The following ENO1 variants were observed in gnomAD, a reference collection of about 807,000 sequenced individuals.
ENO1 encodes the protein alpha-enolase.
Under a neutral mutation model 46.3 loss-of-function variants are expected in ENO1, and 33 were observed. The observed-to-expected ratio is 0.71, with a 90% confidence interval of 0.54 to 0.95. The LOEUF (loss-of-function observed/expected upper bound fraction) is 0.95, where lower values mean the gene tolerates loss of function less well. Ranked by LOEUF, ENO1 falls within the 40% of genes least tolerant of loss-of-function variation. The probability of loss-of-function intolerance (pLI) is 0.00; values close to 1 mark genes in which losing one functional copy is unlikely to be tolerated. For synonymous variants in ENO1, 220 were observed against 216.0 expected (o/e 1.02, Z -0.16); for missense variants, 488 against 553.3 (o/e 0.88, Z 1.18).
At chr1:8,867,005 G>T in intron 6 of ENO1, 112 bp downstream of exon 6, 1 of 1,479,972 alleles carries the variant, frequency 6.8e-7, no homozygotes, top group Non-Finnish European at 9.1e-7. Context: ...GGGCAGAGCT[G>T]TGCTGGGAGA....
At chr1:8,868,181 T>C in intron 4 of ENO1, 124 bp from the exon 5 acceptor site, 1 of 779,504 alleles carries the variant, frequency 1.3e-6, no homozygotes, top group Non-Finnish European at 2.1e-6. Flanking sequence ...ATGTTTGTTT[T>C]ATAAGCAAAA....
Position 8,863,934 on chromosome 1 carries a change from G to A in ENO1, c.1024C>T (p.Leu342Phe), listed in dbSNP as rs1642457014. 1 of 1,614,044 alleles carries A rather than the reference G, an allele frequency of 6.2e-7. No individual in the cohort carries two copies. Among genetic ancestry groups the A allele is most frequent in the Non-Finnish European group, 8.5e-7 (1 of 1,180,022 alleles). The change falls in exon 9 of 12, where the codon CTC becomes TTC. Residue 342 changes from leucine to phenylalanine, a missense_variant. By Grantham distance (22) the Leu-to-Phe change is conservative. Transcript: ENST00000234590. The stretch of plus-strand genomic sequence containing the variant: ...ACGGAGCCAATCTGGTTGACTTTGA[G>A]CAGGAGGCAGTTGCAGGACTTCTCG... Reference protein sequence around the residue: ...VNEKSCNCLLLKVNQIGSVTE... With the variant: ...VNEKSCNCLLFKVNQIGSVTE...
intron 6 of ENO1, among the ~76,000 whole-genome samples, chr1:8,866,810 G>A (rs540904086): frequency 3.9e-5 from 6 of 152,270 alleles, no homozygotes; most frequent in African/African-American, 1.2e-4. Context: ...ACCAGTTCAC[G>A]CCAGGTCTAT....
At chr1:8,868,998 A>G (rs920538930) in intron 4 of ENO1, among the ~76,000 whole-genome samples, 1 of 152,202 alleles carries the variant, frequency 6.6e-6, no homozygotes, top group African/African-American at 2.4e-5. Flanking sequence ...AAAAATCAGC[A>G]TTCCATTTTA....
rs944363291 is a variant in ENO1 at position 8,875,009 on chromosome 1, TAG to T, written c.-9-94_-9-93del. On this transcript the variant is annotated intron_variant, in intron 1 of 11. Transcript: ENST00000234590. ...GGAATCACTTCCGAGGTTCGTGGACTAGAGAGAATCAGCACTGGACTAAATAC... is the reference window on the plus strand; with the variant it reads ...GGAATCACTTCCGAGGTTCGTGGACTAGAGAATCAGCACTGGACTAAATAC... 3 of 1,083,934 alleles carry T rather than the reference TAG, an allele frequency of 2.8e-6. No homozygotes were observed. The South Asian group carries it at 4.1e-5, about 15-fold the overall frequency. The allele number at this position is 1,083,934 out of a possible 1,614,324, so 67.1% of individuals were successfully genotyped here.
intron 2 of ENO1, 118 bp from the exon 3 acceptor site, chr1:8,872,104 A>G (rs1642645957): frequency 1.3e-6 from 1 of 797,248 alleles, no homozygotes; most frequent in Non-Finnish European, 2.1e-6. Flanking sequence ...TCCTCCTACC[A>G]GCTGTGTGAA....
chr1:8,878,649 C>A lies in ENO1; in HGVS notation c.-79G>T. 2.2e-6 allele frequency: 1 copy of A among 456,090 alleles called. No homozygotes were observed. The highest frequency in any genetic ancestry group is 4.4e-6 in the Non-Finnish European group (1 of 226,794). 28.3% of individuals were successfully genotyped at this position (456,090 alleles called of 1,614,324 possible). On this transcript the variant is annotated 5_prime_UTR_variant, in exon 1 of 12. Coordinates refer to ENST00000234590, the MANE Select transcript of ENO1 (RefSeq NM_001428.5). ...TGCAGACACCGAGGTGAACGTAAAG[C>A]CGGCGAGATCTCCGTGCTCCGGGTA...
At chr1:8,877,783 G>A (rs1642766304) in intron 1 of ENO1, 1 of 152,122 alleles carries the variant, frequency 6.6e-6, no homozygotes, top group Non-Finnish European at 1.5e-5. Context: ...GCTGAGGTAG[G>A]AGAATCGCTT....
rs138375821 is a variant in ENO1, at chr1:8,861,360, T to C, written c.1305A>G (p.Ter435=). Residue 435 remains the stop codon, a stop_retained_variant, in exon 12 of 12, where the codon TAA becomes TAG. Transcript: ENST00000234590. Reference sequence around the variant, plus strand: ...ACCGAAGGGCTTGCCTGCCCACAGCTTACTTGGCCAAGGGGTTTCTGAAGT... The same window carrying C: ...ACCGAAGGGCTTGCCTGCCCACAGCCTACTTGGCCAAGGGGTTTCTGAAGT... ...GRNFRNPLAK[*] The C allele has an allele frequency of 1.4e-3, 2,193 of 1,613,806 alleles. 31 individuals carry two copies. In the South Asian group the frequency reaches 0.017, roughly 12 times the overall value.
At chr1:8,877,478 C>G (rs1266702469) in intron 1 of ENO1, 1 of 152,384 alleles carries the variant, frequency 6.6e-6, no homozygotes, top group Admixed American at 6.5e-5. Flanking sequence ...CCGGGTGGGC[C>G]TGAAAGGCAA....
chr1:8,867,166 C>T lies in ENO1; in HGVS notation c.395G>A (p.Arg132His), dbSNP rs529227052. The change falls in exon 6 of 12, where the codon CGC (arginine) becomes CAC (histidine). Residue 132 changes from arginine to histidine, a missense_variant. Physicochemically the swap from Arg to His is conservative, Grantham distance 29. Coordinates refer to ENST00000234590, the MANE Select transcript of ENO1 (RefSeq NM_001428.5). Reference protein sequence around the residue: ...GAVEKGVPLYRHIADLAGNSE... With the variant: ...GAVEKGVPLYHHIADLAGNSE... ...GTTGCCAGCCAAGTCAGCGATGTGGCGGTACAGGGGGACCCCCTTCTCAAC... is the reference window on the plus strand; with the variant it reads ...GTTGCCAGCCAAGTCAGCGATGTGGTGGTACAGGGGGACCCCCTTCTCAAC... 10 of 1,614,162 alleles carry T rather than the reference C, an allele frequency of 6.2e-6. No individual in the cohort carries two copies. Among genetic ancestry groups the T allele is most frequent in the Middle Eastern group, 1.6e-4 (1 of 6,062 alleles).
chr1:8,870,132 C>G (rs1412467955), intron 4 of ENO1: 1 of 355,506 alleles, frequency 2.8e-6, no homozygotes, highest in Admixed American at 3.9e-5. Context: ...ACCATGGACA[C>G]TACCACAAAC....
intron 1 of ENO1, among the ~76,000 whole-genome samples, chr1:8,875,319 A>AAG (rs1021823471): frequency 6.6e-6 from 1 of 152,026 alleles, no homozygotes; most frequent in Non-Finnish European, 1.5e-5. Context: ...AAAAAAAAAA[A>AAG]AGAGAGAGAA....
chr1:8,863,062 G>A, intron 10 of ENO1, 117 bp from the exon 11 acceptor site: 1 of 1,419,122 alleles, frequency 7.0e-7, no homozygotes, highest in African/African-American at 1.4e-5. Context: ...TAGGAAAGTG[G>A]GGGCCACAAC....
In ENO1 at chr1:8,863,895, G is replaced by GA; in HGVS notation, c.1062dup (p.Gln355SerfsTer23). 6.2e-7 allele frequency: 1 copy of GA among 1,613,876 alleles called. No homozygotes were observed. The highest frequency in any genetic ancestry group is 8.5e-7 in the Non-Finnish European group (1 of 1,179,964). On this transcript the variant is annotated frameshift_variant, in exon 9 of 12. Transcript: ENST00000234590. LOFTEE classifies it high-confidence loss of function. ...CTCGCCTGGGAAGACACTTACGCCTGAAGAGACTCGGTCACGGAGCCAATC... is the reference window on the plus strand; with the variant it reads ...CTCGCCTGGGAAGACACTTACGCCTGAAAGAGACTCGGTCACGGAGCCAATC...
chr1:8,862,221 C>T (rs1569891594), intron 11 of ENO1, among the ~76,000 whole-genome samples: 1 of 152,308 alleles, frequency 6.6e-6, no homozygotes, highest in East Asian at 1.9e-4. Context: ...GACTGCCCCA[C>T]TGCACTCCAG....
rs1328241708 is a variant in ENO1, at chr1:8,863,944, G to C, written c.1014C>G (p.Asn338Lys). ...TCTGGTTGACTTTGAGCAGGAGGCA[G>C]TTGCAGGACTTCTCGTTCACGGCCT... ...IAKAVNEKSCNCLLLKVNQIG... is the reference protein window; with the variant it reads ...IAKAVNEKSCKCLLLKVNQIG... The change falls in exon 9 of 12, where the codon AAC (asparagine) becomes AAG (lysine). Residue 338 changes from asparagine (N) to lysine (K), a missense_variant. Physicochemically the swap from Asn to Lys is moderately conservative, Grantham distance 94. Transcript: ENST00000234590. 2 of 1,614,030 alleles carry C rather than the reference G, an allele frequency of 1.2e-6. No homozygotes were observed. Among genetic ancestry groups the C allele is most frequent in the Non-Finnish European group, 1.7e-6 (2 of 1,180,042 alleles).
At chr1:8,862,977 C>A (rs768334042) in intron 10 of ENO1, 32 bp from the exon 11 acceptor site, 89 of 1,611,534 alleles carry the variant, frequency 5.5e-5, no homozygotes, top group Admixed American at 5.0e-4. Context: ...TTGCTTACAG[C>A]GGACAAGCTT....
chr1:8,870,630 A>C, intron 3 of ENO1, 120 bp from the exon 4 acceptor site: 1 of 1,533,136 alleles, frequency 6.5e-7, no homozygotes, highest in Non-Finnish European at 8.8e-7. Context: ...CTTCTGTGGG[A>C]CCTCTTCCCC....
Sources: gnomAD v4.1 joint callset for allele counts (sites outside exome capture counted in the v4.1 genomes callset) on GRCh38, gnomAD v4.1.1 for gene constraint, MANE v1.5 for transcripts, NCBI Gene and HGNC (gene_info 2026-07-23, HGNC 2026-07-21) for gene names.